Variants in RB1CC1 observed in about 807,000 individuals in gnomAD.
RB1CC1 encodes the protein RB1-inducible coiled-coil protein 1.
In RB1CC1, 46 loss-of-function variants were observed where a neutral mutation model predicts 177.5. The observed-to-expected ratio is 0.26, with a 90% CI of 0.20 to 0.33. The LOEUF (loss-of-function observed/expected upper bound fraction) is 0.33, where lower values mean the gene tolerates loss of function less well. Ranked by LOEUF, RB1CC1 falls within the 10% of genes least tolerant of loss-of-function variation. The pLI is 1.00. For synonymous variants in RB1CC1, 666 were observed against 613.6 expected (o/e 1.09, Z -1.26); for missense variants, 1,703 against 1,816.3 (o/e 0.94, Z 1.13).
chr8:52,699,817 AAAAAAAAAAAAAAATAT>A (rs1420572418), intron 1 of RB1CC1, among the ~76,000 whole-genome samples: 1 of 94,338 alleles, frequency 1.1e-5, no homozygotes, highest in African/African-American at 3.4e-5. Context: ...AAAAAAAAAA[AAAAAAAAAAAAAAATAT>A]ATATATATAT....
At chr8:52,698,542 G>A (rs1428847118) in intron 1 of RB1CC1, among the ~76,000 whole-genome samples, 1 of 151,638 alleles carries the variant, frequency 6.6e-6, no homozygotes, top group Non-Finnish European at 1.5e-5. Context: ...CTTGATCTCC[G>A]ACCTCGTGAT....
At chr8:52,640,316 T>C in intron 18 of RB1CC1, among the ~76,000 whole-genome samples, 1 of 152,202 alleles carries the variant, frequency 6.6e-6, no homozygotes, top group Middle Eastern at 3.4e-3. Flanking sequence ...ATAGGAGGAA[T>C]AAGTTTTGGT....
chr8:52,644,196 C>T (rs1849807968), intron 16 of RB1CC1, among the ~76,000 whole-genome samples: 1 of 152,006 alleles, frequency 6.6e-6, no homozygotes, highest in Admixed American at 6.6e-5. Flanking sequence ...CAATTAGTTC[C>T]AACTCAGAAA....
rs373228410 is a variant in RB1CC1, at chr8:52,669,447, C to A, written c.1003-1256G>T. Among the ~76,000 whole-genome samples, 54 of 152,270 alleles carry A rather than the reference C, an allele frequency of 3.5e-4. 1 individual carries two copies. In the East Asian group the frequency reaches 3.7e-3, roughly 10 times the overall value. ...CTGCCTTCTCTACAGTCGGAAAAAA[C>A]TGATTAATGCATAGAGTCTTGTACA... On this transcript the variant is annotated intron_variant, in intron 7 of 23. Coordinates refer to ENST00000025008, the MANE Select transcript of RB1CC1 (RefSeq NM_014781.5).
intron 5 of RB1CC1, among the ~76,000 whole-genome samples, chr8:52,681,619 G>T (rs1853727633): frequency 6.6e-6 from 1 of 152,080 alleles, no homozygotes; most frequent in Non-Finnish European, 1.5e-5. Flanking sequence ...CAGGCATGGT[G>T]GCTCAATGTA....
Position 52,657,005 on chromosome 8 carries a change from G to C in RB1CC1, c.2824C>G (p.His942Asp). 6.2e-7 allele frequency: 1 copy of C among 1,613,622 alleles called. No individual in the cohort carries two copies. The highest frequency in any genetic ancestry group is 1.1e-5 in the South Asian group (1 of 91,068). ...TCTTTAATTTCACAATTTTGAGAGT[G>C]CATTATATTTTCCATCTCTAACAAC... ...QKLLEMENIM[H>D]SQNCEIKELK... Residue 942 changes from histidine (H) to aspartate (D), a missense_variant, in exon 15 of 24, where the codon CAC becomes GAC. His to Asp is a moderately conservative substitution (Grantham distance 81). Coordinates refer to ENST00000025008, the MANE Select transcript of RB1CC1 (RefSeq NM_014781.5).
intron 20 of RB1CC1, among the ~76,000 whole-genome samples, chr8:52,630,875 C>T (rs1324735589): frequency 6.6e-5 from 10 of 152,172 alleles, no homozygotes; most frequent in Non-Finnish European, 1.5e-4. Flanking sequence ...GAAACAAGTG[C>T]TCAGTGTAGC....
intron 5 of RB1CC1, among the ~76,000 whole-genome samples, chr8:52,678,045 C>G (rs896382225): frequency 1.3e-5 from 2 of 152,118 alleles, no homozygotes; most frequent in Admixed American, 1.3e-4. Context: ...ATAAGTTCAA[C>G]TGTAGCACTG....
chr8:52,661,356 T>C lies in RB1CC1; in HGVS notation c.1359-75A>G, dbSNP rs895852300. 1.0e-5 allele frequency: 16 copies of C among 1,550,704 alleles called. No individual in the cohort carries two copies. In the African/African-American group the frequency reaches 1.8e-4, roughly 18 times the overall value. ...TTAGTTACTTACTTAGTAAGCTTAC[T>C]AACTTAGTTAAGCCAAAGAAATCAA... is the stretch of plus-strand genomic sequence containing the variant. On this transcript the variant is annotated intron_variant, in intron 9 of 23. Transcript: ENST00000025008.
Position 52,642,756 on chromosome 8 carries a change from A to C in RB1CC1, c.4044T>G (p.Asn1348Lys), listed in dbSNP as rs955806363. ...TACTTTTCAACTTATCACTAAGATC[A>C]TTTATTATGTTTTCTTTTCTCATTT... ...REKMRKENII[N>K]DLSDKLKSTM... Residue 1348 changes from asparagine to lysine, a missense_variant, in exon 17 of 24, where the codon AAT becomes AAG. This residue lies in a region of RB1CC1 where 1,169 missense variants were observed against 1,184.7 expected (regional missense o/e 0.99). Transcript: ENST00000025008. 2.6e-5 allele frequency: 41 copies of C among 1,583,334 alleles called. No individual in the cohort carries two copies. The highest frequency in any genetic ancestry group is 1.7e-4 in the Middle Eastern group (1 of 5,826).
intron 5 of RB1CC1, among the ~76,000 whole-genome samples, chr8:52,678,917 T>C (rs987681678): frequency 1.5e-4 from 23 of 152,284 alleles, no homozygotes; most frequent in Non-Finnish European, 2.9e-4. Flanking sequence ...AGTTGTAAGA[T>C]AATGAAGTAA....
At chr8:52,674,307 T>A (rs761146682) in intron 6 of RB1CC1, 33 bp from the exon 7 acceptor site, 1 of 1,513,842 alleles carries the variant, frequency 6.6e-7, no homozygotes. Flanking sequence ...AGTAAAACTA[T>A]GAGACTGCTC....
intron 15 of RB1CC1, among the ~76,000 whole-genome samples, chr8:52,653,159 T>C (rs879913755): frequency 1.3e-5 from 2 of 152,196 alleles, no homozygotes; most frequent in Non-Finnish European, 2.9e-5. Context: ...GATTTATTAC[T>C]TATACCCTCA....
intron 5 of RB1CC1, among the ~76,000 whole-genome samples, chr8:52,680,402 A>G (rs542114627): frequency 6.6e-6 from 1 of 152,334 alleles, no homozygotes; most frequent in East Asian, 1.9e-4. Flanking sequence ...AAATTAATAG[A>G]ATTACCATGT....
At chr8:52,663,502 T>G (rs1024054402) in intron 8 of RB1CC1, among the ~76,000 whole-genome samples, 18 of 152,128 alleles carry the variant, frequency 1.2e-4, no homozygotes, top group African/African-American at 4.3e-4. Context: ...CTTTCCACAA[T>G]TTCTTTTCCC....
intron 1 of RB1CC1, among the ~76,000 whole-genome samples, chr8:52,705,351 A>AC (rs1424690397): frequency 3.0e-4 from 45 of 152,330 alleles, no homozygotes; most frequent in Admixed American, 2.9e-3. Context: ...GAAGAAAAAT[A>AC]AACTATCTGG....
chr8:52,627,684 C>A (rs116944032), intron 22 of RB1CC1, among the ~76,000 whole-genome samples: 2,736 of 151,544 alleles, frequency 0.018, 44 homozygotes, highest in Non-Finnish European at 0.028. Context: ...GTTTTTTTTG[C>A]CAAAAAATAA....
chr8:52,702,712 A>T (rs1428290458), intron 1 of RB1CC1, among the ~76,000 whole-genome samples: 1 of 152,196 alleles, frequency 6.6e-6, no homozygotes, highest in African/African-American at 2.4e-5. Context: ...GAGACTCAAA[A>T]AAAAAGAAAA....
At position 52,642,693 on chromosome 8, in the gene RB1CC1, A is replaced by G. The variant is rs189196270; in HGVS notation, c.4096+11T>C. On this transcript the variant is annotated intron_variant, in intron 17 of 23. Transcript: ENST00000025008. ...AAAAAATTAAAAAAAATAGTACAAA[A>G]CAGTACAAACCTTTATCCCGTTCTT... is the stretch of plus-strand genomic sequence containing the variant. 13 of 1,574,010 alleles carry G rather than the reference A, an allele frequency of 8.3e-6. No individual in the cohort carries two copies. In the Admixed American group the frequency reaches 2.0e-4, roughly 24 times the overall value.
Sources: allele counts gnomAD v4.1 joint callset (sites outside exome capture counted in the v4.1 genomes callset), GRCh38; gene constraint gnomAD v4.1.1; regional missense constraint gnomAD v4.1.1; transcripts MANE v1.5; gene names NCBI Gene and HGNC (gene_info 2026-07-23, HGNC 2026-07-21).